WDR59: variants seen among roughly 807,000 people sequenced by gnomAD.
WDR59 encodes WD repeat domain 59.
In WDR59, 100 loss-of-function variants were observed where a neutral mutation model predicts 131.2. That is an observed-to-expected ratio of 0.76 (90% CI 0.65 to 0.90). The LOEUF is 0.90. Ranked by LOEUF, WDR59 falls within the 40% of genes least tolerant of loss-of-function variation. The probability of loss-of-function intolerance (pLI) is 0.00; values close to 1 mark genes in which losing one functional copy is unlikely to be tolerated. For synonymous variants in WDR59, 601 were observed against 466.2 expected (o/e 1.29, Z -3.72); for missense variants, 1,203 against 1,262.2 (o/e 0.95, Z 0.71).
At chr16:74,949,523 G>A (rs181746535) in intron 5 of WDR59, among the ~76,000 whole-genome samples, 195 bp downstream of exon 5, 139 of 151,992 alleles carry the variant, frequency 9.1e-4, no homozygotes, top group Middle Eastern at 3.4e-3. Flanking sequence ...CTTGCCTGGA[G>A]AGGTCCTGGC....
chr16:74,890,845 G>T (rs1171237032), intron 20 of WDR59, among the ~76,000 whole-genome samples: 1 of 152,114 alleles, frequency 6.6e-6, no homozygotes, highest in Non-Finnish European at 1.5e-5. Context: ...GGCGGGCCCT[G>T]TGGCTCACGC....
rs1965441206 is a variant in WDR59 at position 74,899,406 on chromosome 16, G to A, written c.1866+4541C>T. Among the ~76,000 whole-genome samples the A allele has an allele frequency of 2.6e-5, 4 of 152,196 alleles. No homozygotes were observed. In the South Asian group the frequency reaches 8.3e-4, roughly 32 times the overall value. ...AAATGCTCCAAGTGAAATTGGGTAA[G>A]CTAACGGCTTACAATCAGGGTTCTT... On this transcript the variant is annotated intron_variant, in intron 18 of 25. Coordinates refer to ENST00000262144, the MANE Select transcript of WDR59 (RefSeq NM_030581.4).
chr16:74,965,945 T>A (rs2033757648), intron 1 of WDR59, 123 bp from the exon 2 acceptor site: 2 of 884,564 alleles, frequency 2.3e-6, no homozygotes, highest in South Asian at 1.5e-5. Context: ...GTATCATTAG[T>A]TCTCTACAGT....
intron 25 of WDR59, among the ~76,000 whole-genome samples, chr16:74,879,771 A>C (rs1964391541): frequency 6.6e-6 from 1 of 152,230 alleles, no homozygotes; most frequent in South Asian, 2.1e-4. Context: ...AAAACCTTAG[A>C]ACAATAACCC....
At chr16:74,929,842 T>C (rs963012443) in intron 8 of WDR59, among the ~76,000 whole-genome samples, 3 of 152,254 alleles carry the variant, frequency 2.0e-5, no homozygotes, top group Admixed American at 2.0e-4. Flanking sequence ...GGAGTACTAT[T>C]CATCCATGAA....
chr16:74,881,393 T>C (rs1167433231), intron 25 of WDR59, among the ~76,000 whole-genome samples: 2 of 151,894 alleles, frequency 1.3e-5, no homozygotes, highest in African/African-American at 4.8e-5. Flanking sequence ...AGTTTCTCCA[T>C]GTTGCCCAGG....
chr16:74,887,874 T>A, intron 22 of WDR59, 119 bp from the exon 23 acceptor site: 1 of 1,072,226 alleles, frequency 9.3e-7, no homozygotes, highest in South Asian at 1.4e-5. Context: ...TCCTAGCAGT[T>A]TGGGAGGCCA....
At chr16:74,979,464 T>TCAAAA (rs71158561) in intron 1 of WDR59, among the ~76,000 whole-genome samples, 5 of 147,390 alleles carry the variant, frequency 3.4e-5, no homozygotes, top group African/African-American at 1.3e-4. Flanking sequence ...AGACTCTGTC[T>TCAAAA]CAAAACAAAA....
In WDR59 at chr16:74,985,035, C is replaced by T. The variant is rs1360311796; in HGVS notation, c.-18G>A. 4 of 1,562,698 alleles carry T rather than the reference C, an allele frequency of 2.6e-6. No individual in the cohort carries two copies. Among genetic ancestry groups the T allele is most frequent in the Non-Finnish European group, 3.5e-6 (4 of 1,153,200 alleles). On this transcript the variant is annotated 5_prime_UTR_variant, in exon 1 of 26. Coordinates refer to ENST00000262144, the MANE Select transcript of WDR59 (RefSeq NM_030581.4). Reference sequence around the variant, plus strand: ...GCCGCCATCTCCCCCGCCCGGCCGCCGCGGCCCCAGGACGGCGCCCTCCCA... The same window carrying T: ...GCCGCCATCTCCCCCGCCCGGCCGCTGCGGCCCCAGGACGGCGCCCTCCCA...
At chr16:74,936,966 G>A (rs1158098056) in intron 8 of WDR59, among the ~76,000 whole-genome samples, 4 of 152,166 alleles carry the variant, frequency 2.6e-5, no homozygotes, top group Non-Finnish European at 5.9e-5. Flanking sequence ...TTTTAACTTA[G>A]TATATGACTG....
intron 1 of WDR59, among the ~76,000 whole-genome samples, chr16:74,973,183 G>A (rs1189583619): frequency 6.6e-6 from 1 of 152,192 alleles, no homozygotes. Flanking sequence ...AGAGGTTGCA[G>A]TGAGCCAAGA....
At chr16:74,950,152 G>A (rs1211197686) in intron 4 of WDR59, among the ~76,000 whole-genome samples, 1 of 152,090 alleles carries the variant, frequency 6.6e-6, no homozygotes, top group Non-Finnish European at 1.5e-5. Context: ...GACCAGCCTG[G>A]CCAGTATGGT....
chr16:74,888,711 C>G (rs1964894530), intron 21 of WDR59, among the ~76,000 whole-genome samples: 1 of 152,140 alleles, frequency 6.6e-6, no homozygotes, highest in African/African-American at 2.4e-5. Flanking sequence ...GGGGGATTCC[C>G]ACACATGTCA....
rs557553629 is a variant in WDR59, at chr16:74,951,323, A to C, written c.326+135T>G. The C allele has an allele frequency of 2.9e-5, 23 of 804,572 alleles. No individual in the cohort carries two copies. In the African/African-American group the frequency reaches 3.9e-4, roughly 14 times the overall value. The allele number at this position is 804,572 out of a possible 1,614,324, so 49.8% of individuals were successfully genotyped here. On this transcript the variant is annotated intron_variant, in intron 4 of 25. Coordinates refer to ENST00000262144, the MANE Select transcript of WDR59 (RefSeq NM_030581.4). ...CTTCACCACCATCTCAGTGAATGCT[A>C]ATAACCCGCTGACCACCCGGGACCT... is the stretch of plus-strand genomic sequence containing the variant.
chr16:74,882,807 C>CAAAAAAAAAAAAAAAA (rs569507124), intron 25 of WDR59, among the ~76,000 whole-genome samples: 39 of 51,416 alleles, frequency 7.6e-4, no homozygotes, highest in African/African-American at 8.9e-4. Context: ...AACACTGTCT[C>CAAAAAAAAAAAAAAAA]AAAAAAAAAA....
chr16:74,982,767 T>C (rs12443735), intron 1 of WDR59, among the ~76,000 whole-genome samples: 2,804 of 152,306 alleles, frequency 0.018, 41 homozygotes, highest in Middle Eastern at 0.075. Flanking sequence ...TTAATCCAAA[T>C]GCTACTGCTC....
intron 21 of WDR59, among the ~76,000 whole-genome samples, chr16:74,888,593 T>C (rs1000460146): frequency 2.6e-5 from 4 of 152,246 alleles, no homozygotes; most frequent in African/African-American, 9.6e-5. Flanking sequence ...AGGCATGGGC[T>C]TAAACATGAA....
chr16:74,897,023 C>T (rs190916085), intron 18 of WDR59, among the ~76,000 whole-genome samples: 1 of 152,180 alleles, frequency 6.6e-6, no homozygotes, highest in African/African-American at 2.4e-5. Context: ...ATATTAAAAA[C>T]TAATAAATAA....
intron 6 of WDR59, 28 bp downstream of exon 6, chr16:74,948,491 G>A: frequency 6.2e-7 from 1 of 1,607,016 alleles, no homozygotes; most frequent in East Asian, 2.2e-5. Flanking sequence ...CAAGGCGCCA[G>A]GGTGAGGTGG....
Sources: gnomAD v4.1 joint callset for allele counts (sites outside exome capture counted in the v4.1 genomes callset) on GRCh38, gnomAD v4.1.1 for gene constraint, MANE v1.5 for transcripts, NCBI Gene and HGNC (gene_info 2026-07-23, HGNC 2026-07-21) for gene names.